The following CSDE1 variants were observed in gnomAD, a reference collection of about 807,000 sequenced individuals.
CSDE1 encodes cold shock domain-containing protein E1.
In CSDE1, 17 loss-of-function variants were observed where a neutral mutation model predicts 89.3. The ratio of observed to expected loss-of-function variants is 0.19; its 90% CI spans 0.13 to 0.29. CSDE1 has a LOEUF of 0.29. Ranked by LOEUF, CSDE1 falls within the 10% of genes least tolerant of loss-of-function variation. The pLI, the probability that CSDE1 is intolerant of heterozygous loss-of-function variation, is 1.00. For missense variants in CSDE1, 672 were observed against 984.2 expected, an observed-to-expected ratio of 0.68 and a Z score of 4.24; for synonymous variants, 322 against 332.8, an observed-to-expected ratio of 0.97 and a Z score of 0.35.
chr1:114,725,368 T>C, intron 14 of CSDE1, 35 bp from the exon 15 acceptor site: 1 of 1,481,288 alleles, frequency 6.8e-7, no homozygotes, highest in South Asian at 1.1e-5. Context: ...AACTAAACAT[T>C]ACCATAAACA....
chr1:114,741,288 T>A (rs1045090523), intron 2 of CSDE1, among the ~76,000 whole-genome samples: 4 of 152,202 alleles, frequency 2.6e-5, no homozygotes, highest in African/African-American at 9.6e-5. Flanking sequence ...TATGGGGATT[T>A]GAAATTTTCC....
intron 2 of CSDE1, among the ~76,000 whole-genome samples, chr1:114,742,703 A>AG (rs1310373925): frequency 6.6e-6 from 1 of 152,204 alleles, no homozygotes; most frequent in Non-Finnish European, 1.5e-5. Flanking sequence ...TCCTAGTACT[A>AG]GTTCTTCAAC....
chr1:114,725,240 T>G lies in CSDE1; in HGVS notation c.1734A>C (p.Lys578Asn). The change falls in exon 15 of 20, where the codon AAA (lysine) becomes AAC (asparagine). Residue 578 changes from lysine to asparagine, a missense_variant. This residue lies in a region of CSDE1 where 206 missense variants were observed against 332.4 expected (regional missense o/e 0.62). Coordinates refer to ENST00000358528, the MANE Select transcript of CSDE1 (RefSeq NM_001007553.3). ...KGKGNKVSAE[K>N]VNKTHSVNGI... ...TATTACCTGAGTGTGTTTTGTTCACTTTTTCTGCACTGACTTTGTTGCCTT... is the reference window on the plus strand; with the variant it reads ...TATTACCTGAGTGTGTTTTGTTCACGTTTTCTGCACTGACTTTGTTGCCTT... 6.2e-7 allele frequency: 1 copy of G among 1,614,076 alleles called. No homozygotes were observed. Among genetic ancestry groups the G allele is most frequent in the Non-Finnish European group, 8.5e-7 (1 of 1,179,880 alleles).
intron 2 of CSDE1, 113 bp from the exon 3 acceptor site, chr1:114,740,003 A>C: frequency 1.3e-6 from 1 of 795,982 alleles, no homozygotes; most frequent in Non-Finnish European, 2.0e-6. Context: ...AAAAAGTAAA[A>C]TGAAGGGAAG....
Position 114,733,488 on chromosome 1 carries a change from T to C in CSDE1, c.837+244A>G, listed in dbSNP as rs1017146906. On this transcript the variant is annotated intron_variant, in intron 9 of 19. Coordinates refer to ENST00000358528, the MANE Select transcript of CSDE1 (RefSeq NM_001007553.3). ...TTGCAGTGAGCCGAGATCGCGCCAC[T>C]GCACTCCAGCCTGGCGACAGAGCGA... Among the ~76,000 whole-genome samples the C allele has an allele frequency of 2.8e-5, 4 of 144,786 alleles. No individual in the cohort carries two copies. In the Admixed American group the frequency reaches 2.8e-4, roughly 10 times the overall value. The allele number at this position is 144,786 out of a possible 152,430, so 95.0% of individuals were successfully genotyped here.
intron 6 of CSDE1, among the ~76,000 whole-genome samples, chr1:114,735,627 C>T (rs1660357987): frequency 6.6e-6 from 1 of 152,148 alleles, no homozygotes; most frequent in Non-Finnish European, 1.5e-5. Context: ...CAAGGCTTGC[C>T]AAGAAAGAGA....
At position 114,725,294 on chromosome 1, in the gene CSDE1, G is replaced by T; in HGVS notation, c.1680C>A (p.Asp560Glu). 6.2e-7 allele frequency: 1 copy of T among 1,614,120 alleles called. No individual in the cohort carries two copies. The highest frequency in any genetic ancestry group is 1.1e-5 in the South Asian group (1 of 91,076). ...SGDVDSLELG[D>E]MVEYSLSKGK... ...CTTTGGACAAGCTATACTCGACCAT[G>T]TCCCCCAGTTCCAGGCTATCAACAT... The change falls in exon 15 of 20, where the codon GAC becomes GAA. Residue 560 changes from aspartate to glutamate, a missense_variant. By Grantham distance (45) the Asp-to-Glu change is conservative. This residue lies in a region of CSDE1 where 206 missense variants were observed against 332.4 expected (regional missense o/e 0.62). Transcript: ENST00000358528.
intron 1 of CSDE1, among the ~76,000 whole-genome samples, chr1:114,755,917 A>G (rs1208764185): frequency 2.0e-5 from 3 of 152,352 alleles, no homozygotes; most frequent in Admixed American, 2.0e-4. Context: ...ACTTAGTGCC[A>G]CTGAACTGTA....
At chr1:114,749,205 T>A (rs1463346985) in intron 2 of CSDE1, among the ~76,000 whole-genome samples, 7 of 152,226 alleles carry the variant, frequency 4.6e-5, no homozygotes, top group Non-Finnish European at 4.4e-5. Flanking sequence ...ACAGCTTCAG[T>A]TATATTCTTA....
At chr1:114,732,206 C>G (rs1447380366) in intron 10 of CSDE1, among the ~76,000 whole-genome samples, 4 of 152,070 alleles carry the variant, frequency 2.6e-5, no homozygotes, top group Admixed American at 2.0e-4. Context: ...AATCTTTTGG[C>G]TTCCCTGGAC....
At chr1:114,732,404 T>C (rs915974466) in intron 10 of CSDE1, among the ~76,000 whole-genome samples, 200 bp downstream of exon 10, 6 of 152,140 alleles carry the variant, frequency 3.9e-5, no homozygotes, top group Admixed American at 6.5e-5. Flanking sequence ...ATTCAAAAAA[T>C]TTTTTCACAT....
intron 3 of CSDE1, among the ~76,000 whole-genome samples, chr1:114,739,336 G>C (rs1307536745): frequency 6.6e-6 from 1 of 152,152 alleles, no homozygotes; most frequent in Non-Finnish European, 1.5e-5. Flanking sequence ...CAGCTTCTAA[G>C]AGGTGACACT....
In CSDE1 at chr1:114,737,563, C is replaced by T; in HGVS notation, c.310G>A (p.Val104Ile). ...ILPEERMNGQ[V>I]VCAVPHNLES... ...AAGTTGTGAGGAACAGCGCACACAA[C>T]CTACCAGTCAAAAAAAAAAAAATTT... Residue 104 changes from valine to isoleucine, a missense_variant and splice_region_variant, in exon 5 of 20, where the codon GTT (valine) becomes ATT (isoleucine). Physicochemically the swap from Val to Ile is conservative, Grantham distance 29. Around this residue, in one of 8 missense-constraint regions of CSDE1, gnomAD observed 124 missense variants for 138.7 expected, o/e 0.89. Transcript: ENST00000358528. The T allele has an allele frequency of 6.2e-7, 1 of 1,612,190 alleles. No homozygotes were observed. The highest frequency in any genetic ancestry group is 2.2e-5 in the East Asian group (1 of 44,848).
chr1:114,753,462 G>T (rs1452031572), intron 1 of CSDE1, among the ~76,000 whole-genome samples: 3 of 152,180 alleles, frequency 2.0e-5, no homozygotes. Context: ...ACTTACTGAA[G>T]AACTTAAAGG....
intron 3 of CSDE1, among the ~76,000 whole-genome samples, chr1:114,739,383 T>C (rs1481819319): frequency 6.6e-6 from 1 of 152,198 alleles, no homozygotes; most frequent in Non-Finnish European, 1.5e-5. Context: ...CCCAAAATAG[T>C]ACCTGACAGA....
Position 114,719,563 on chromosome 1 carries a change from C to G in CSDE1, c.2216+16G>C. On this transcript the variant is annotated intron_variant, in intron 18 of 19. Coordinates refer to ENST00000358528, the MANE Select transcript of CSDE1 (RefSeq NM_001007553.3). ...TCCAGGGTAGTTACTAATCAAACCA[C>G]AACAACAAAACTCACCAGACTCGCC... 1 of 1,609,520 alleles carries G rather than the reference C, an allele frequency of 6.2e-7. No homozygotes were observed. Among genetic ancestry groups the G allele is most frequent in the South Asian group, 1.1e-5 (1 of 90,210 alleles).
At position 114,730,392 on chromosome 1, in the gene CSDE1, T is replaced by C. The variant is rs184520099; in HGVS notation, c.1222A>G (p.Ile408Val). ...DMLSAQRNHA[I>V]RIKKLPKGTV... is the part of the protein sequence containing the mutation. ...CCCTTGGGAAGTTTTTTAATCCTAA[T>C]AGCATGATTTCTTTGAGCAGAGAGC... Residue 408 changes from isoleucine to valine, a missense_variant, in exon 12 of 20, where the codon ATT (isoleucine) becomes GTT (valine). Transcript: ENST00000358528. The C allele has an allele frequency of 2.4e-5, 38 of 1,614,110 alleles. No individual in the cohort carries two copies. Among genetic ancestry groups the C allele is most frequent in the Admixed American group, 2.2e-4 (13 of 60,006 alleles).
chr1:114,736,705 A>AG (rs998617810), intron 6 of CSDE1, 53 bp downstream of exon 6: 32 of 1,106,530 alleles, frequency 2.9e-5, no homozygotes, highest in African/African-American at 2.9e-4. Flanking sequence ...TTCTTAATGG[A>AG]GGGGGGAAAA....
intron 14 of CSDE1, among the ~76,000 whole-genome samples, chr1:114,725,642 A>T (rs1659749776): frequency 6.7e-6 from 1 of 150,260 alleles, no homozygotes; most frequent in Non-Finnish European, 1.5e-5. Flanking sequence ...CTTACTTTCT[A>T]TTTTTTTTTT....
Sources: gnomAD v4.1 joint callset for allele counts (sites outside exome capture counted in the v4.1 genomes callset) on GRCh38, gnomAD v4.1.1 for gene constraint, gnomAD v4.1.1 regional missense constraint, MANE v1.5 for transcripts, NCBI Gene and HGNC (gene_info 2026-07-23, HGNC 2026-07-21) for gene names.